CERS6: variants seen among roughly 807,000 people sequenced by gnomAD.
CERS6 encodes LAG1 homolog, ceramide synthase 6.
CERS6 carries 26 observed loss-of-function variants against 56.8 expected under a neutral mutation model. The observed-to-expected ratio is 0.46, with a 90% CI of 0.34 to 0.63. CERS6 has a LOEUF of 0.63. Ranked by LOEUF, CERS6 falls within the 30% of genes least tolerant of loss-of-function variation. CERS6 has a pLI of 0.01. For missense variants in CERS6, 415 were observed against 467.5 expected (o/e 0.89, Z 1.04); for synonymous variants, 164 against 173.3 (o/e 0.95, Z 0.42).
chr2:168,469,497 C>T (rs1309377847), intron 1 of CERS6, among the ~76,000 whole-genome samples: 2 of 152,084 alleles, frequency 1.3e-5, no homozygotes, highest in African/African-American at 2.4e-5. Flanking sequence ...CATTTAGGGT[C>T]ATAGACTTTC....
At chr2:168,585,736 G>A (rs1223392802) in intron 3 of CERS6, among the ~76,000 whole-genome samples, 1 of 152,214 alleles carries the variant, frequency 6.6e-6, no homozygotes, top group African/African-American at 2.4e-5. Context: ...TCATGGATAT[G>A]CCAGAAGGAA....
chr2:168,613,660 A>G (rs1364157987), intron 3 of CERS6, among the ~76,000 whole-genome samples: 1 of 152,218 alleles, frequency 6.6e-6, no homozygotes, highest in East Asian at 1.9e-4. Flanking sequence ...AGGTGTAAAC[A>G]CTGTTGCTAC....
chr2:168,646,362 T>C (rs1165645845), intron 4 of CERS6, among the ~76,000 whole-genome samples: 1 of 152,222 alleles, frequency 6.6e-6, no homozygotes, highest in Non-Finnish European at 1.5e-5. Context: ...TGCCTGTTGA[T>C]TTTCTTTGCC....
intron 8 of CERS6, among the ~76,000 whole-genome samples, chr2:168,742,102 G>A (rs946228983): frequency 5.3e-5 from 8 of 152,108 alleles, no homozygotes; most frequent in Admixed American, 2.6e-4. Context: ...ACATTTCATT[G>A]GTGTTGCAGT....
intron 1 of CERS6, among the ~76,000 whole-genome samples, chr2:168,502,886 A>G (rs537528772): frequency 4.1e-4 from 62 of 152,300 alleles, no homozygotes; most frequent in African/African-American, 1.5e-3. Flanking sequence ...AGTGTACCAG[A>G]TAAAATCTGG....
intron 1 of CERS6, among the ~76,000 whole-genome samples, chr2:168,491,852 G>T (rs890743968): frequency 1.3e-5 from 2 of 152,210 alleles, no homozygotes; most frequent in African/African-American, 2.4e-5. Flanking sequence ...TGCCACTTAC[G>T]AGTGAGAACA....
chr2:168,703,410 T>G (rs1239095311), intron 6 of CERS6, among the ~76,000 whole-genome samples: 1 of 152,008 alleles, frequency 6.6e-6, no homozygotes, highest in Non-Finnish European at 1.5e-5. Context: ...TACAAAAAAT[T>G]AGCTGGGCAT....
chr2:168,591,954 G>A (rs193247694), intron 3 of CERS6, among the ~76,000 whole-genome samples: 19 of 152,250 alleles, frequency 1.2e-4, no homozygotes, highest in African/African-American at 3.6e-4. Context: ...GGGAATAGCA[G>A]GATTGAGGCA....
intron 8 of CERS6, among the ~76,000 whole-genome samples, chr2:168,726,103 T>C (rs1172488742): frequency 6.6e-6 from 1 of 152,250 alleles, no homozygotes; most frequent in Non-Finnish European, 1.5e-5. Flanking sequence ...CTACTCAGTA[T>C]TTGTTAAGTG....
chr2:168,729,496 A>G (rs1014714312), intron 8 of CERS6, among the ~76,000 whole-genome samples: 1 of 152,034 alleles, frequency 6.6e-6, no homozygotes, highest in Admixed American at 6.5e-5. Flanking sequence ...CTTCCTCCCA[A>G]CTGTCCTAAG....
intron 3 of CERS6, among the ~76,000 whole-genome samples, chr2:168,616,548 C>G (rs188725933): frequency 6.5e-4 from 99 of 152,278 alleles, no homozygotes; most frequent in African/African-American, 2.3e-3. Context: ...AAAAGACTTT[C>G]CATGCAAATG....
At chr2:168,691,179 C>A in intron 5 of CERS6, 95 bp downstream of exon 5, 2 of 1,143,648 alleles carry the variant, frequency 1.7e-6, no homozygotes, top group Non-Finnish European at 1.3e-6. Flanking sequence ...GGTTGGACAA[C>A]CACCTTCATT....
intron 8 of CERS6, among the ~76,000 whole-genome samples, chr2:168,718,344 C>T (rs1043582941): frequency 6.6e-6 from 1 of 152,282 alleles, no homozygotes; most frequent in African/African-American, 2.4e-5. Context: ...ACCAGGGGTT[C>T]ACAGAGGGTT....
intron 4 of CERS6, among the ~76,000 whole-genome samples, chr2:168,682,308 A>T (rs1410793776): frequency 6.6e-6 from 1 of 152,240 alleles, no homozygotes; most frequent in Non-Finnish European, 1.5e-5. Context: ...TTAATATATG[A>T]ACATAAGAAA....
intron 3 of CERS6, among the ~76,000 whole-genome samples, chr2:168,619,445 C>A (rs1684407649): frequency 6.6e-6 from 1 of 151,976 alleles, no homozygotes; most frequent in African/African-American, 2.4e-5. Flanking sequence ...AAAATCTTCG[C>A]AATCTATACA....
intron 1 of CERS6, among the ~76,000 whole-genome samples, chr2:168,523,989 C>T (rs1362498289): frequency 6.6e-6 from 1 of 152,162 alleles, no homozygotes; most frequent in Non-Finnish European, 1.5e-5. Context: ...GTGCCAGTTG[C>T]AGTGCTGGAT....
chr2:168,730,110 G>A (rs527873235), intron 8 of CERS6, among the ~76,000 whole-genome samples: 7 of 152,310 alleles, frequency 4.6e-5, no homozygotes, highest in East Asian at 1.9e-4. Flanking sequence ...CCCAGTCGAA[G>A]AAGACAGACA....
chr2:168,688,790 C>T (rs371238233), intron 4 of CERS6, among the ~76,000 whole-genome samples: 2 of 152,098 alleles, frequency 1.3e-5, no homozygotes, highest in Non-Finnish European at 2.9e-5. Flanking sequence ...CCCCTGCCTC[C>T]GGTGCACAGG....
At chr2:168,515,694 G>A (rs1421628985) in intron 1 of CERS6, among the ~76,000 whole-genome samples, 1 of 152,368 alleles carries the variant, frequency 6.6e-6, no homozygotes, top group Non-Finnish European at 1.5e-5. Context: ...AAGGAATGCG[G>A]TATTTTAGAA....
Sources: gnomAD v4.1 joint callset for allele counts (sites outside exome capture counted in the v4.1 genomes callset) on GRCh38, gnomAD v4.1.1 for gene constraint, MANE v1.5 for transcripts, NCBI Gene and HGNC (gene_info 2026-07-23, HGNC 2026-07-21) for gene names.